RALA: variants seen among roughly 807,000 people sequenced by gnomAD.
RALA encodes the protein ras-related protein Ral-A.
Under a neutral mutation model 24.0 loss-of-function variants are expected in RALA, and 5 were observed. The ratio of observed to expected loss-of-function variants is 0.21; its 90% CI spans 0.11 to 0.44. RALA has a LOEUF of 0.44. RALA is among the 20% of genes least tolerant of loss of function. The probability of loss-of-function intolerance (pLI) is 0.99; values close to 1 mark genes in which losing one functional copy is unlikely to be tolerated. For synonymous variants in RALA, 77 were observed against 83.8 expected, an observed-to-expected ratio of 0.92 and a Z score of 0.44; for missense variants, 95 against 241.2, an observed-to-expected ratio of 0.39 and a Z score of 4.01.
intron 1 of RALA, among the ~76,000 whole-genome samples, chr7:39,665,620 C>G (rs554002946): frequency 4.0e-5 from 6 of 149,052 alleles, no homozygotes; most frequent in African/African-American, 1.5e-4. Context: ...TATGGAATTT[C>G]TCTGTTCATA....
At chr7:39,676,822 G>A (rs1469403296) in intron 1 of RALA, among the ~76,000 whole-genome samples, 1 of 152,182 alleles carries the variant, frequency 6.6e-6, no homozygotes, top group Non-Finnish European at 1.5e-5. Flanking sequence ...AGAGTTTAGA[G>A]TCTGGATTGG....
chr7:39,652,980 T>C (rs1025491148), intron 1 of RALA, among the ~76,000 whole-genome samples: 1 of 150,758 alleles, frequency 6.6e-6, no homozygotes, highest in African/African-American at 2.4e-5. Flanking sequence ...TAGCCAGGCT[T>C]GTCTCAAACT....
At chr7:39,670,682 A>T (rs1447516237) in intron 1 of RALA, among the ~76,000 whole-genome samples, 1 of 152,340 alleles carries the variant, frequency 6.6e-6, no homozygotes. Flanking sequence ...AACAAATATT[A>T]AAATATAAAT....
chr7:39,673,602 C>T (rs1362514260), intron 1 of RALA, among the ~76,000 whole-genome samples: 2 of 151,912 alleles, frequency 1.3e-5, no homozygotes, highest in African/African-American at 2.4e-5. Context: ...CTTATATAAC[C>T]ATTTACCCTT....
chr7:39,681,297 T>G, intron 1 of RALA, among the ~76,000 whole-genome samples: 1 of 126,304 alleles, frequency 7.9e-6, no homozygotes, highest in South Asian at 2.8e-4. Context: ...AAACCCACCC[T>G]ATTCCTTTTT....
intron 1 of RALA, among the ~76,000 whole-genome samples, chr7:39,634,129 A>G (rs1487130405): frequency 6.6e-6 from 1 of 151,890 alleles, no homozygotes; most frequent in Non-Finnish European, 1.5e-5. Context: ...ACTCCTTACA[A>G]CTCTCAGTCC....
At chr7:39,658,831 C>T (rs141569267) in intron 1 of RALA, among the ~76,000 whole-genome samples, 502 of 152,014 alleles carry the variant, frequency 3.3e-3, no homozygotes, top group African/African-American at 0.011. Context: ...AATCCTCCCA[C>T]CCTAGCCTCC....
At chr7:39,644,768 G>T (rs1791896386) in intron 1 of RALA, among the ~76,000 whole-genome samples, 1 of 152,076 alleles carries the variant, frequency 6.6e-6, no homozygotes, top group South Asian at 2.1e-4. Flanking sequence ...AACCAAAAAA[G>T]ATTAGGTAAA....
intron 1 of RALA, among the ~76,000 whole-genome samples, chr7:39,646,598 G>C (rs1308067491): frequency 6.6e-6 from 1 of 152,172 alleles, no homozygotes; most frequent in Non-Finnish European, 1.5e-5. Flanking sequence ...GTGCACTCCA[G>C]CCTGAGTAAC....
intron 1 of RALA, among the ~76,000 whole-genome samples, chr7:39,678,590 G>T (rs909944652): frequency 6.6e-6 from 1 of 152,136 alleles, no homozygotes; most frequent in Non-Finnish European, 1.5e-5. Context: ...ACTTTAAAAA[G>T]TTGAACGGTA....
At chr7:39,699,268 G>A (rs1260055010) in intron 4 of RALA, among the ~76,000 whole-genome samples, 2 of 149,464 alleles carry the variant, frequency 1.3e-5, no homozygotes, top group Admixed American at 6.7e-5. Flanking sequence ...AGCCTCCCGA[G>A]TAGCTGGGAC....
At chr7:39,690,999 C>T (rs773623662) in intron 3 of RALA, among the ~76,000 whole-genome samples, 147 of 152,288 alleles carry the variant, frequency 9.7e-4, no homozygotes, top group Admixed American at 1.6e-3. Context: ...TCAGTAGGCA[C>T]GTTGCCATCC....
At chr7:39,658,240 A>G (rs1028943775) in intron 1 of RALA, among the ~76,000 whole-genome samples, 1 of 152,096 alleles carries the variant, frequency 6.6e-6, no homozygotes, top group African/African-American at 2.4e-5. Flanking sequence ...TGTGGCATCC[A>G]TGACTTTGCT....
intron 1 of RALA, among the ~76,000 whole-genome samples, chr7:39,671,599 G>A (rs1467819347): frequency 1.3e-5 from 2 of 151,966 alleles, no homozygotes; most frequent in Non-Finnish European, 1.5e-5. Flanking sequence ...TGAAACCCAG[G>A]GAGATAAAAC....
At position 39,706,155 on chromosome 7, in the gene RALA, G is replaced by A. The variant is rs147901344; in HGVS notation, c.531G>A (p.Ala177=). The stretch of plus-strand genomic sequence containing the variant: ...TTGATTTAATGAGAGAAATTCGAGC[G>A]AGAAAGATGGAAGACAGCAAAGAAA... ...VFFDLMREIR[A]RKMEDSKEKN... Residue 177 remains alanine, a synonymous_variant, in exon 5 of 5, where the codon GCG becomes GCA. Coordinates refer to ENST00000005257, the MANE Select transcript of RALA (RefSeq NM_005402.4). The A allele has an allele frequency of 1.2e-4, 187 of 1,606,396 alleles. No individual in the cohort carries two copies. The African/African-American group carries it at 2.1e-3, about 18-fold the overall frequency.
At position 39,707,572 on chromosome 7, in the gene RALA, A is replaced by G. The variant is rs1793141686; in HGVS notation, c.*1327A>G. 6.6e-6 allele frequency: 1 copy of G among 151,582 alleles called. No individual in the cohort carries two copies. Among genetic ancestry groups the G allele is most frequent in the South Asian group, 2.1e-4 (1 of 4,774 alleles). 9.4% of individuals were successfully genotyped at this position (151,582 alleles called of 1,614,324 possible). On this transcript the variant is annotated 3_prime_UTR_variant, in exon 5 of 5. Transcript: ENST00000005257. ...ATTCTAGCATGCTACTTGGGGACAT[A>G]ATTTCAGTGGGAAATATGCCACTGA...
chr7:39,657,600 A>G (rs1344163903), intron 1 of RALA, among the ~76,000 whole-genome samples: 2 of 152,010 alleles, frequency 1.3e-5, no homozygotes, highest in African/African-American at 2.4e-5. Context: ...TGTCCTCTAT[A>G]TTAATTGAGG....
intron 3 of RALA, among the ~76,000 whole-genome samples, chr7:39,692,286 C>T (rs2116086676): frequency 6.6e-6 from 1 of 152,330 alleles, no homozygotes; most frequent in African/African-American, 2.4e-5. Flanking sequence ...GCTGCAGCTC[C>T]AGTATCACAC....
intron 1 of RALA, among the ~76,000 whole-genome samples, chr7:39,657,256 A>G (rs1792115136): frequency 6.6e-6 from 1 of 151,998 alleles, no homozygotes; most frequent in Non-Finnish European, 1.5e-5. Flanking sequence ...ATGAGCCACC[A>G]CGCCCAGCCC....
Sources: gnomAD v4.1 joint callset for allele counts (sites outside exome capture counted in the v4.1 genomes callset) on GRCh38, gnomAD v4.1.1 for gene constraint, MANE v1.5 for transcripts, NCBI Gene and HGNC (gene_info 2026-07-23, HGNC 2026-07-21) for gene names.